KIDINS220: variants seen among roughly 807,000 people sequenced by gnomAD.
KIDINS220 encodes kinase D-interacting substrate of 220 kDa.
In KIDINS220, 63 loss-of-function variants were observed where a neutral mutation model predicts 157.6. That is an observed-to-expected ratio of 0.40 (90% CI 0.33 to 0.49). The LOEUF (loss-of-function observed/expected upper bound fraction) is 0.49, where lower values mean the gene tolerates loss of function less well. KIDINS220 is among the 20% of genes least tolerant of loss of function. The probability of loss-of-function intolerance (pLI) is 0.66; values close to 1 mark genes in which losing one functional copy is unlikely to be tolerated. For synonymous variants in KIDINS220, 732 were observed against 783.6 expected (o/e 0.93, Z 1.10); for missense variants, 1,772 against 2,171.2 (o/e 0.82, Z 3.65).
intron 15 of KIDINS220, among the ~76,000 whole-genome samples, chr2:8,787,373 A>C (rs962347674): frequency 1.4e-5 from 2 of 146,796 alleles, no homozygotes; most frequent in Non-Finnish European, 3.0e-5. Flanking sequence ...TCATCTTTTA[A>C]TGCTTTTTTT....
At chr2:8,721,479 TTC>T (rs1466934342), downstream of KIDINS220, 1 of 152,230 alleles carries the variant, frequency 6.6e-6, no homozygotes, top group Non-Finnish European at 1.5e-5. Flanking sequence ...AAGACTCTTT[TTC>T]TCCATAAGTA....
chr2:8,786,399 A>G, intron 15 of KIDINS220, 42 bp from the exon 16 acceptor site: 3 of 1,490,408 alleles, frequency 2.0e-6, no homozygotes, highest in Non-Finnish European at 2.8e-6. Flanking sequence ...TATTATCTAA[A>G]GTAACAAATA....
intron 12 of KIDINS220, among the ~76,000 whole-genome samples, chr2:8,792,651 G>A (rs1317374701): frequency 1.3e-5 from 2 of 152,156 alleles, no homozygotes; most frequent in Non-Finnish European, 2.9e-5. Context: ...GCAAGCTTGT[G>A]GGGAATTGTG....
rs753343422 is a variant in KIDINS220 at position 8,786,295 on chromosome 2, A to G, written c.1850T>C (p.Met617Thr). 1.2e-5 allele frequency: 19 copies of G among 1,614,052 alleles called. No individual in the cohort carries two copies. The highest frequency in any genetic ancestry group is 1.6e-5 in the Non-Finnish European group (19 of 1,179,996). ...ACAAGCATCCGAGAGGGTTGCAATCATTTCAGCCAGAGAAGTTTCTCCACC... is the reference window on the plus strand; with the variant it reads ...ACAAGCATCCGAGAGGGTTGCAATCGTTTCAGCCAGAGAAGTTTCTCCACC... ...SVGGETSLAE[M>T]IATLSDACER... The change falls in exon 16 of 30, where the codon ATG becomes ACG. Residue 617 changes from methionine to threonine, a missense_variant. Transcript: ENST00000256707.
rs1284157212 is a variant in KIDINS220, at chr2:8,744,379, AAAAAAAAAAATATATATATATAAT to A, written c.3585+2742_3585+2765del. On this transcript the variant is annotated intron_variant, in intron 26 of 29. Coordinates refer to ENST00000256707, the MANE Select transcript of KIDINS220 (RefSeq NM_020738.4). ...TCCTCATGGCAAAAAAAAAAAAAAA[AAAAAAAAAAATATATATATATAAT>A]ATATATATATATATATATATATATA... Among the ~76,000 whole-genome samples, 166 of 26,568 alleles carry A rather than the reference AAAAAAAAAAATATATATATATAAT, an allele frequency of 6.2e-3. 13 individuals are homozygous for A. The highest frequency in any genetic ancestry group is 0.023 in the African/African-American group (145 of 6,422). 17.4% of individuals were successfully genotyped at this position (26,568 alleles called of 152,430 possible).
intron 8 of KIDINS220, 125 bp downstream of exon 8, chr2:8,802,805 G>T: frequency 1.4e-6 from 1 of 690,892 alleles, no homozygotes; most frequent in Non-Finnish European, 2.4e-6. Context: ...AGTTTCAAAG[G>T]CAGAAATAAA....
chr2:8,759,317 T>C (rs757258959), intron 22 of KIDINS220, among the ~76,000 whole-genome samples: 7 of 152,046 alleles, frequency 4.6e-5, no homozygotes, highest in Non-Finnish European at 8.8e-5. Flanking sequence ...CTGGAAACCA[T>C]TGGCAGAGCT....
At chr2:8,732,495 G>A (rs1421053480) in intron 29 of KIDINS220, among the ~76,000 whole-genome samples, 1 of 152,172 alleles carries the variant, frequency 6.6e-6, no homozygotes, top group East Asian at 1.9e-4. Context: ...CAATAGTTGG[G>A]CCTTAGTAAA....
intron 22 of KIDINS220, among the ~76,000 whole-genome samples, chr2:8,760,918 T>C (rs1412777876): frequency 1.3e-5 from 2 of 152,140 alleles, no homozygotes; most frequent in African/African-American, 2.4e-5. Context: ...ATATTAGTAA[T>C]TCAGGTGACA....
chr2:8,806,383 C>A lies in KIDINS220; in HGVS notation c.505-14G>T. On this transcript the variant is annotated splice_polypyrimidine_tract_variant and intron_variant, in intron 6 of 29. Transcript: ENST00000256707. ...GGTGGTTCCATACTATTAAAACAAA[C>A]AATAAATTTAAAATTATTATAAAAA... The A allele has an allele frequency of 6.7e-7, 1 of 1,493,368 alleles. No homozygotes were observed. The highest frequency in any genetic ancestry group is 9.1e-7 in the Non-Finnish European group (1 of 1,101,386). The allele number at this position is 1,493,368 out of a possible 1,614,324, so 92.5% of individuals were successfully genotyped here.
At chr2:8,765,403 G>T (rs1303074683) in intron 22 of KIDINS220, among the ~76,000 whole-genome samples, 2 of 152,092 alleles carry the variant, frequency 1.3e-5, no homozygotes, top group Non-Finnish European at 2.9e-5. Flanking sequence ...TCAACCAGGG[G>T]TTTGTATATC....
At chr2:8,774,072 G>A (rs1424526710) in intron 21 of KIDINS220, among the ~76,000 whole-genome samples, 1 of 152,106 alleles carries the variant, frequency 6.6e-6, no homozygotes, top group Non-Finnish European at 1.5e-5. Context: ...TTGGGAGGCC[G>A]AGGCGGGCGG....
intron 24 of KIDINS220, chr2:8,749,488 AGGG>A (rs1667023146): frequency 4.5e-6 from 2 of 447,654 alleles, no homozygotes; most frequent in Non-Finnish European, 4.5e-6. Flanking sequence ...TAAACTTGAC[AGGG>A]CCTGAATACC....
intron 22 of KIDINS220, chr2:8,757,854 A>C: frequency 1.5e-6 from 2 of 1,349,744 alleles, no homozygotes; most frequent in South Asian, 1.2e-5. Flanking sequence ...GGAATTCTGT[A>C]TGTTTTCTTT....
chr2:8,757,739 C>T (rs1480807282), intron 22 of KIDINS220: 1 of 1,612,366 alleles, frequency 6.2e-7, no homozygotes, highest in Non-Finnish European at 8.5e-7. Flanking sequence ...CTAACACTGA[C>T]TTGGAAATGC....
intron 8 of KIDINS220, 85 bp downstream of exon 8, chr2:8,802,845 T>C: frequency 9.6e-7 from 1 of 1,043,130 alleles, no homozygotes. Flanking sequence ...ATGTCATGCA[T>C]GAGAATCTTG....
chr2:8,760,259 C>T (rs1668580939), intron 22 of KIDINS220, among the ~76,000 whole-genome samples: 1 of 152,198 alleles, frequency 6.6e-6, no homozygotes, highest in Non-Finnish European at 1.5e-5. Context: ...CATCTTCATG[C>T]ACATATTTAA....
Position 8,730,389 on chromosome 2 carries a change from C to T in KIDINS220, c.*331G>A. 9.3e-7 allele frequency: 1 copy of T among 1,073,634 alleles called. No homozygotes were observed. The highest frequency in any genetic ancestry group is 1.1e-6 in the Non-Finnish European group (1 of 888,238). 66.5% of individuals were successfully genotyped at this position (1,073,634 alleles called of 1,614,324 possible). On this transcript the variant is annotated 3_prime_UTR_variant, in exon 30 of 30. Coordinates refer to ENST00000256707, the MANE Select transcript of KIDINS220 (RefSeq NM_020738.4). The stretch of plus-strand genomic sequence containing the variant: ...TCTCTAGCTTTTTTTCTTTTTGGCA[C>T]ATTAAGCCCTTTAAAATACTTCTGA...
At chr2:8,795,586 T>G (rs1673805454) in intron 11 of KIDINS220, among the ~76,000 whole-genome samples, 1 of 152,200 alleles carries the variant, frequency 6.6e-6, no homozygotes, top group African/African-American at 2.4e-5. Context: ...CCGTCCTCAG[T>G]AAGAATGTGT....
Sources: allele counts gnomAD v4.1 joint callset (sites outside exome capture counted in the v4.1 genomes callset), GRCh38; gene constraint gnomAD v4.1.1; transcripts MANE v1.5; gene names NCBI Gene and HGNC (gene_info 2026-07-23, HGNC 2026-07-21).